The following APOOL variants were observed in gnomAD, a reference collection of about 807,000 sequenced individuals.
APOOL encodes the protein MICOS complex subunit MIC27.
In APOOL, 12 loss-of-function variants were observed where a neutral mutation model predicts 23.1. The ratio of observed to expected loss-of-function variants is 0.52; its 90% CI spans 0.33 to 0.84. The LOEUF is 0.84. APOOL is among the 40% of genes least tolerant of loss of function. The pLI, the probability that APOOL is intolerant of heterozygous loss-of-function variation, is 0.02. For missense variants in APOOL, 212 were observed against 199.6 expected, an observed-to-expected ratio of 1.06 and a Z score of -0.37; for synonymous variants, 77 against 69.9, an observed-to-expected ratio of 1.10 and a Z score of -0.51.
At chrX:85,025,390 C>G (rs1387350648) in intron 1 of APOOL, among the ~76,000 whole-genome samples, 1 of 111,594 alleles carries the variant, frequency 9.0e-6, no homozygotes, top group Non-Finnish European at 1.9e-5. Context: ...CTGGCGCCTC[C>G]TAAATCTCAT....
chrX:85,078,414 A>G (rs1211577022), intron 8 of APOOL, among the ~76,000 whole-genome samples: 1 of 110,943 alleles, frequency 9.0e-6, no homozygotes, highest in Non-Finnish European at 1.9e-5. Flanking sequence ...GTGTGGTGTT[A>G]CTTCTGAGGT....
chrX:85,045,662 T>C (rs1389010491), intron 1 of APOOL, among the ~76,000 whole-genome samples: 2 of 111,754 alleles, frequency 1.8e-5, no homozygotes, highest in Non-Finnish European at 3.8e-5. Context: ...GGGAATTATT[T>C]TGGTACCTGA....
Position 85,092,994 on chromosome X carries a change from T to G in APOOL, c.*5316T>G. The G allele has an allele frequency of 2.6e-6, 1 of 391,095 alleles. No individual in the cohort carries two copies. Among genetic ancestry groups the G allele is most frequent in the African/African-American group, 2.5e-5 (1 of 40,116 alleles). 32.2% of individuals were successfully genotyped at this position (391,095 alleles called of 1,213,427 possible). ...GGTTGTGGATTATATATAAATCAAT[T>G]TTAATTGACTATAATTCATATACTG... On this transcript the variant is annotated 3_prime_UTR_variant, in exon 9 of 9. Coordinates refer to ENST00000373173, the MANE Select transcript of APOOL (RefSeq NM_198450.6).
chrX:85,011,528 T>G (rs1408413872), intron 1 of APOOL, among the ~76,000 whole-genome samples: 1 of 111,703 alleles, frequency 9.0e-6, no homozygotes, highest in East Asian at 2.8e-4. Flanking sequence ...AGGTGAGAGA[T>G]AAGGATCCAG....
chrX:85,033,723 T>A (rs1449654163), intron 1 of APOOL, among the ~76,000 whole-genome samples: 1 of 111,258 alleles, frequency 9.0e-6, no homozygotes, highest in Non-Finnish European at 1.9e-5. Context: ...AAACACATTG[T>A]CATCAGAGAT....
intron 8 of APOOL, chrX:85,081,398 A>T (rs1924094474): frequency 9.0e-6 from 1 of 111,576 alleles, no homozygotes; most frequent in African/African-American, 3.3e-5. Flanking sequence ...CTTTTCTTTA[A>T]GAATGTTGAA....
At chrX:85,077,085 A>G (rs1282898077) in intron 8 of APOOL, among the ~76,000 whole-genome samples, 2 of 100,946 alleles carry the variant, frequency 2.0e-5, no homozygotes, top group Admixed American at 2.2e-4. Flanking sequence ...ACATATATAT[A>G]TATATATACA....
chrX:85,059,132 G>GT lies in APOOL; in HGVS notation c.394+3213dup, dbSNP rs1430295348. Among the ~76,000 whole-genome samples, 142 of 104,711 alleles carry GT rather than the reference G, an allele frequency of 1.4e-3. 2 individuals are homozygous for GT. Among genetic ancestry groups the GT allele is most frequent in the African/African-American group, 4.8e-3 (136 of 28,556 alleles). The allele number at this position is 104,711 out of a possible 115,157, so 90.9% of individuals were successfully genotyped here. ...TATGAGTGAGAACATGCGGTGTTTG[G>GT]TTTTTTGTCCTTGTGATAGTTTGCT... is the stretch of plus-strand genomic sequence containing the variant. On this transcript the variant is annotated intron_variant, in intron 5 of 8. Transcript: ENST00000373173.
intron 8 of APOOL, among the ~76,000 whole-genome samples, chrX:85,080,112 T>C (rs905833348): frequency 1.6e-4 from 18 of 111,802 alleles, no homozygotes; most frequent in Admixed American, 9.6e-5. Context: ...CTGATCTTAG[T>C]TATTTCTTGC....
At chrX:85,067,021 A>G in intron 5 of APOOL, 106 bp from the exon 6 acceptor site, 5 of 475,029 alleles carry the variant, frequency 1.1e-5, no homozygotes, top group Non-Finnish European at 1.4e-5. Context: ...GTAATTTAAC[A>G]GAGGGTGATG....
At chrX:85,032,868 A>G (rs1455234618) in intron 1 of APOOL, among the ~76,000 whole-genome samples, 9 of 111,991 alleles carry the variant, frequency 8.0e-5, no homozygotes, top group Non-Finnish European at 1.1e-4. Context: ...TGAACGTTAT[A>G]TCTTGAATGT....
intron 5 of APOOL, among the ~76,000 whole-genome samples, chrX:85,057,616 CATATATCTCATCTGAATGGATGAT>C (rs1213838489): frequency 4.8e-5 from 5 of 104,546 alleles, no homozygotes; most frequent in Admixed American, 2.1e-4. Context: ...GGATGATATA[CATATATCTCATCTGAATGGATGAT>C]ATATATCTCA....
chrX:85,077,442 C>T (rs955420023), intron 8 of APOOL, among the ~76,000 whole-genome samples: 5 of 110,410 alleles, frequency 4.5e-5, no homozygotes, highest in African/African-American at 1.7e-4. Context: ...TGAACTCATC[C>T]TTTTTTATGG....
At position 85,012,535 on chromosome X, in the gene APOOL, A is replaced by C. The variant is rs776808085; in HGVS notation, c.15+8608A>C. On this transcript the variant is annotated intron_variant, in intron 1 of 8. Coordinates refer to ENST00000373173, the MANE Select transcript of APOOL (RefSeq NM_198450.6). ...TCTGTCCCTTCTATGCCAGTTTTGC[A>C]GAAGGTTTTTATCATGAAGGGAGCC... 9.9e-5 allele frequency among the ~76,000 whole-genome samples: 11 copies of C among 111,588 alleles called. No homozygotes were observed. The East Asian group carries it at 2.5e-3, about 26-fold the overall frequency.
chrX:85,079,122 A>G (rs893000720), intron 8 of APOOL, among the ~76,000 whole-genome samples: 4 of 111,469 alleles, frequency 3.6e-5, no homozygotes, highest in Non-Finnish European at 5.7e-5. Flanking sequence ...AACTTCCAAC[A>G]CCATGTTGAA....
At chrX:85,036,881 A>G (rs1922234723) in intron 1 of APOOL, among the ~76,000 whole-genome samples, 1 of 110,094 alleles carries the variant, frequency 9.1e-6, no homozygotes, top group African/African-American at 3.3e-5. Flanking sequence ...CCCAAAGCCC[A>G]TTATATTGTT....
Position 85,003,892 on chromosome X carries a change from T to C in APOOL, c.-21T>C. ...CCTCTCTGCTCTCCGTCTGAAAACC[T>C]TGGCCGAAAGGGTTGTAGACATGGC... On this transcript the variant is annotated 5_prime_UTR_variant, in exon 1 of 9. Coordinates refer to ENST00000373173, the MANE Select transcript of APOOL (RefSeq NM_198450.6). 5.0e-6 allele frequency: 6 copies of C among 1,211,314 alleles called. No individual in the cohort carries two copies. The highest frequency in any genetic ancestry group is 5.6e-6 in the Non-Finnish European group (5 of 895,202).
Position 85,051,396 on chromosome X carries a change from T to A in APOOL, c.128T>A (p.Ile43Lys). The change falls in exon 3 of 9, where the codon ATA becomes AAA. Residue 43 changes from isoleucine to lysine, a missense_variant. Transcript: ENST00000373173. Reference protein sequence around the residue: ...KQLVKPEQLPIYTAPPLQSKY... With the variant: ...KQLVKPEQLPKYTAPPLQSKY... The stretch of plus-strand genomic sequence containing the variant: ...AACATTTTTTGCCTGTAGCTCCCCA[T>A]ATATACTGCACCACCGCTCCAGTCT... The A allele has an allele frequency of 1.7e-6, 2 of 1,210,248 alleles. No individual in the cohort carries two copies. The highest frequency in any genetic ancestry group is 2.2e-6 in the Non-Finnish European group (2 of 894,886).
chrX:85,042,380 C>G (rs1253233160), intron 1 of APOOL, among the ~76,000 whole-genome samples: 1 of 111,622 alleles, frequency 9.0e-6, no homozygotes, highest in Non-Finnish European at 1.9e-5. Flanking sequence ...CCCAGACACA[C>G]ACAACCTACC....
Sources: allele counts gnomAD v4.1 joint callset (sites outside exome capture counted in the v4.1 genomes callset), GRCh38; gene constraint gnomAD v4.1.1; transcripts MANE v1.5; gene names NCBI Gene and HGNC (gene_info 2026-07-23, HGNC 2026-07-21).